DKK2: variants seen among roughly 807,000 people sequenced by gnomAD.
The protein encoded by DKK2 is dickkopf-related protein 2.
DKK2 carries 11 observed loss-of-function variants against 28.1 expected under a neutral mutation model. That is an observed-to-expected ratio of 0.39 (90% CI 0.25 to 0.65). DKK2 has a LOEUF of 0.65. Among genes scored for constraint, DKK2 ranks in the 30% least tolerant of loss-of-function variants. DKK2 has a pLI of 0.47. For missense variants in DKK2, 326 were observed against 335.5 expected, an observed-to-expected ratio of 0.97 and a Z score of 0.22; for synonymous variants, 135 against 126.5, an observed-to-expected ratio of 1.07 and a Z score of -0.45.
chr4:106,987,140 C>T (rs1053313820), intron 1 of DKK2, among the ~76,000 whole-genome samples: 5 of 152,104 alleles, frequency 3.3e-5, no homozygotes, highest in African/African-American at 1.2e-4. Flanking sequence ...TTAAAATGTT[C>T]TGTTATAAAA....
At chr4:106,972,470 T>C (rs1722882006) in intron 1 of DKK2, among the ~76,000 whole-genome samples, 2 of 151,840 alleles carry the variant, frequency 1.3e-5, no homozygotes, top group South Asian at 4.1e-4. Flanking sequence ...TACAAAGTAC[T>C]GTTAAAAGAC....
At position 106,955,655 on chromosome 4, in the gene DKK2, A is replaced by T. The variant is rs138824387; in HGVS notation, c.223-29706T>A. On this transcript the variant is annotated intron_variant, in intron 1 of 3. Transcript: ENST00000285311. ...AACAAATACATGATAGGTCATGGAA[A>T]CCTTTGGCAAAATTGCAGCTAAATC... Among the ~76,000 whole-genome samples the T allele has an allele frequency of 5.1e-3, 778 of 152,318 alleles. 4 individuals carry two copies. The highest frequency in any genetic ancestry group is 0.017 in the African/African-American group (723 of 41,576).
intron 1 of DKK2, among the ~76,000 whole-genome samples, chr4:106,993,029 G>A (rs545315586): frequency 2.0e-5 from 3 of 152,340 alleles, no homozygotes; most frequent in African/African-American, 7.2e-5. Flanking sequence ...ACCTCTCTAT[G>A]AGTTCATTTG....
chr4:106,956,166 C>T (rs780641687), intron 1 of DKK2, among the ~76,000 whole-genome samples: 28 of 152,008 alleles, frequency 1.8e-4, no homozygotes, highest in Non-Finnish European at 1.8e-4. Context: ...TAAGATGATT[C>T]TCTAAAATAC....
chr4:107,002,055 A>T (rs1723367489), intron 1 of DKK2, among the ~76,000 whole-genome samples: 1 of 152,224 alleles, frequency 6.6e-6, no homozygotes, highest in Non-Finnish European at 1.5e-5. Flanking sequence ...GTTCCATTTT[A>T]TGAAAGTCTT....
At chr4:107,033,314 C>A (rs933567585) in intron 1 of DKK2, among the ~76,000 whole-genome samples, 1 of 152,058 alleles carries the variant, frequency 6.6e-6, no homozygotes, top group Non-Finnish European at 1.5e-5. Context: ...AAATTCAACT[C>A]ATTTGTGAAA....
intron 1 of DKK2, among the ~76,000 whole-genome samples, chr4:106,983,793 G>A (rs1246914679): frequency 6.6e-6 from 1 of 152,042 alleles, no homozygotes; most frequent in Non-Finnish European, 1.5e-5. Flanking sequence ...TAGAAAGTAG[G>A]CAAAAGACGT....
chr4:106,927,400 C>G (rs971645085), intron 1 of DKK2, among the ~76,000 whole-genome samples: 1 of 152,086 alleles, frequency 6.6e-6, no homozygotes, highest in Non-Finnish European at 1.5e-5. Flanking sequence ...ATGTACGAGT[C>G]TGAGAGATAA....
intron 1 of DKK2, among the ~76,000 whole-genome samples, chr4:106,976,240 T>C (rs1722942994): frequency 6.6e-6 from 1 of 152,204 alleles, no homozygotes; most frequent in South Asian, 2.1e-4. Flanking sequence ...GAGAGTTCTG[T>C]AGATGTCTAT....
intron 1 of DKK2, among the ~76,000 whole-genome samples, chr4:107,024,765 T>A (rs879701799): frequency 1.4e-4 from 22 of 152,172 alleles, no homozygotes; most frequent in Non-Finnish European, 2.8e-4. Context: ...GGCTTAACGG[T>A]GTTATACAAT....
chr4:106,928,380 T>C (rs1296194186), intron 1 of DKK2, among the ~76,000 whole-genome samples: 1 of 152,192 alleles, frequency 6.6e-6, no homozygotes, highest in African/African-American at 2.4e-5. Flanking sequence ...TGCCTAACTA[T>C]ACAAGGTTAT....
chr4:106,949,999 A>G (rs1365052475), intron 1 of DKK2, among the ~76,000 whole-genome samples: 5 of 152,174 alleles, frequency 3.3e-5, no homozygotes, highest in Admixed American at 6.6e-5. Context: ...TTTACAGGCA[A>G]TGACTGCTGT....
At chr4:107,000,345 A>G (rs1723341497) in intron 1 of DKK2, among the ~76,000 whole-genome samples, 1 of 152,194 alleles carries the variant, frequency 6.6e-6, no homozygotes, top group Non-Finnish European at 1.5e-5. Flanking sequence ...ATTAGAATGA[A>G]GAATGTTGTT....
chr4:107,034,209 T>C (rs1723925975), intron 1 of DKK2, among the ~76,000 whole-genome samples: 1 of 152,002 alleles, frequency 6.6e-6, no homozygotes, highest in African/African-American at 2.4e-5. Context: ...GGCTGCGCTG[T>C]GGACAGGGGC....
chr4:106,979,443 T>C lies in DKK2; in HGVS notation c.223-53494A>G, dbSNP rs1339585133. 6.9e-5 allele frequency among the ~76,000 whole-genome samples: 6 copies of C among 86,836 alleles called. No homozygotes were observed. The Middle Eastern group carries it at 0.03, about 441-fold the overall frequency. The allele number at this position is 86,836 out of a possible 152,430, so 57.0% of individuals were successfully genotyped here. A position where few individuals can be genotyped will look rare whatever the true frequency, so the allele number is the denominator to read the frequency against. ...CTAATCAGACTACTTAGTATCCTTC[T>C]TTTTTTTTTTTTTTTCAAATACAGG... On this transcript the variant is annotated intron_variant, in intron 1 of 3. Transcript: ENST00000285311.
chr4:106,967,484 G>T (rs1174290150), intron 1 of DKK2, among the ~76,000 whole-genome samples: 2 of 152,144 alleles, frequency 1.3e-5, no homozygotes, highest in Non-Finnish European at 2.9e-5. Flanking sequence ...AAGAAGGTGA[G>T]GCCCCAGAGG....
chr4:106,976,334 G>A (rs2110356180), intron 1 of DKK2, among the ~76,000 whole-genome samples: 1 of 152,324 alleles, frequency 6.6e-6, no homozygotes, highest in Non-Finnish European at 1.5e-5. Context: ...AATATTGACA[G>A]TGGGGTGTTA....
chr4:106,998,997 T>A (rs368638777), intron 1 of DKK2, among the ~76,000 whole-genome samples: 6 of 152,300 alleles, frequency 3.9e-5, no homozygotes, highest in African/African-American at 1.4e-4. Context: ...ATAATATAAC[T>A]CTTTAGAATT....
At chr4:106,946,236 T>G (rs1165404773) in intron 1 of DKK2, among the ~76,000 whole-genome samples, 1 of 151,958 alleles carries the variant, frequency 6.6e-6, no homozygotes, top group Non-Finnish European at 1.5e-5. Flanking sequence ...TTTAATAATA[T>G]TAATATTAAG....
Sources: allele counts gnomAD v4.1 joint callset (sites outside exome capture counted in the v4.1 genomes callset), GRCh38; gene constraint gnomAD v4.1.1; transcripts MANE v1.5; gene names NCBI Gene and HGNC (gene_info 2026-07-23, HGNC 2026-07-21).